Variants in NOS1 observed in about 807,000 individuals in gnomAD.
NOS1 encodes NOS type I.
Under a neutral mutation model 164.5 loss-of-function variants are expected in NOS1, and 51 were observed. The ratio of observed to expected loss-of-function variants is 0.31; its 90% confidence interval spans 0.25 to 0.39. The LOEUF (loss-of-function observed/expected upper bound fraction) is 0.39. Ranked by LOEUF, NOS1 falls within the 10% of genes least tolerant of loss-of-function variation. NOS1 has a pLI of 1.00. For synonymous variants in NOS1, 719 were observed against 745.8 expected, an observed-to-expected ratio of 0.96 and a Z score of 0.59; for missense variants, 1,362 against 1,885.6, an observed-to-expected ratio of 0.72 and a Z score of 5.14.
chr12:117,295,931 A>T (rs1192259792), intron 3 of NOS1, among the ~76,000 whole-genome samples: 2 of 151,714 alleles, frequency 1.3e-5, no homozygotes, highest in African/African-American at 4.8e-5. Flanking sequence ...GCCGGCTGTG[A>T]TCATTCTTTA....
At chr12:117,353,443 A>G (rs1876722906) in intron 1 of NOS1, among the ~76,000 whole-genome samples, 1 of 152,270 alleles carries the variant, frequency 6.6e-6, no homozygotes, top group Non-Finnish European at 1.5e-5. Flanking sequence ...TCTTCAGCGT[A>G]GAGACAGACT....
At chr12:117,294,841 C>G (rs922772203) in intron 3 of NOS1, among the ~76,000 whole-genome samples, 14 of 152,224 alleles carry the variant, frequency 9.2e-5, no homozygotes, top group Non-Finnish European at 1.8e-4. Context: ...CCCTGGGACA[C>G]CCGCCCCTAA....
chr12:117,247,956 A>AAG (rs1870765282), intron 17 of NOS1, among the ~76,000 whole-genome samples: 1 of 150,640 alleles, frequency 6.6e-6, no homozygotes, highest in African/African-American at 2.4e-5. Flanking sequence ...AAAAAAAAAA[A>AAG]AAAAGAAAAG....
At chr12:117,249,071 A>T (rs957879466) in intron 17 of NOS1, among the ~76,000 whole-genome samples, 1 of 152,060 alleles carries the variant, frequency 6.6e-6, no homozygotes, top group African/African-American at 2.4e-5. Context: ...AATTTGTTTG[A>T]GTTCATTGTA....
intron 3 of NOS1, among the ~76,000 whole-genome samples, chr12:117,299,742 G>C (rs1873689374): frequency 1.3e-5 from 2 of 152,062 alleles, no homozygotes; most frequent in East Asian, 3.9e-4. Context: ...ATTAAAAATG[G>C]GGGTGCTTGG....
chr12:117,233,678 C>G (rs540899254), intron 21 of NOS1, among the ~76,000 whole-genome samples: 2 of 151,670 alleles, frequency 1.3e-5, no homozygotes, highest in Non-Finnish European at 2.9e-5. Context: ...TGTGGTGGCA[C>G]GCGCCTGTAA....
chr12:117,226,994 G>A (rs1003651341), intron 23 of NOS1, among the ~76,000 whole-genome samples: 2 of 152,104 alleles, frequency 1.3e-5, no homozygotes, highest in Non-Finnish European at 1.5e-5. Context: ...GGTCGGATTC[G>A]AATCCTTCCC....
chr12:117,227,471 T>C lies in NOS1; in HGVS notation c.3576A>G (p.Glu1192=), dbSNP rs756787173. 5.3e-5 allele frequency: 85 copies of C among 1,613,614 alleles called. No individual in the cohort carries two copies. Among genetic ancestry groups the C allele is most frequent in the South Asian group, 1.3e-4 (12 of 90,934 alleles). ...ISSSPDMYPD[E]VHLTVAIVSY... The stretch of plus-strand genomic sequence containing the variant: ...AAACGATGGCCACAGTGAGGTGCAC[T>C]TCATCAGGGTACATGTCTGGGGAGG... The change falls in exon 23 of 29, where the codon GAA becomes GAG. Residue 1192 remains glutamate (E), a synonymous_variant. Coordinates refer to ENST00000317775, the MANE Select transcript of NOS1 (RefSeq NM_000620.5).
At chr12:117,218,313 C>T in intron 27 of NOS1, 149 bp from the exon 28 acceptor site, 1 of 696,172 alleles carries the variant, frequency 1.4e-6, no homozygotes, top group Non-Finnish European at 2.6e-6. Flanking sequence ...CCCGAGGTAC[C>T]TTTGATCTCG....
At chr12:117,327,332 G>A (rs1875303260) in intron 2 of NOS1, among the ~76,000 whole-genome samples, 1 of 152,202 alleles carries the variant, frequency 6.6e-6, no homozygotes, top group Non-Finnish European at 1.5e-5. Flanking sequence ...CCTTTCGGGA[G>A]GGACACTTCC....
chr12:117,323,146 G>T (rs1309947129), intron 2 of NOS1, among the ~76,000 whole-genome samples: 2 of 152,194 alleles, frequency 1.3e-5, no homozygotes, highest in African/African-American at 4.8e-5. Flanking sequence ...CACCAAGGTT[G>T]CAGTGAAGAA....
rs1222838851 is a variant in NOS1, at chr12:117,220,180, C to A, written c.4065G>T (p.Gly1355=). The change falls in exon 27 of 29, where the codon GGG becomes GGT. Residue 1355 remains glycine (G), a synonymous_variant. Coordinates refer to ENST00000317775, the MANE Select transcript of NOS1 (RefSeq NM_000620.5). ...KEQGGHIYVC[G]DVTMAADVLK... ...GGACATCAGCAGCCATGGTGACGTC[C>A]CCACAGACGTATATGTGGCCCCCTT... The A allele has an allele frequency of 3.1e-6, 5 of 1,613,996 alleles. No homozygotes were observed. Among genetic ancestry groups the A allele is most frequent in the Non-Finnish European group, 4.2e-6 (5 of 1,180,022 alleles).
At chr12:117,239,998 G>A (rs899206748) in intron 20 of NOS1, among the ~76,000 whole-genome samples, 1 of 152,014 alleles carries the variant, frequency 6.6e-6, no homozygotes, top group African/African-American at 2.4e-5. Flanking sequence ...GGGACTTTTG[G>A]TTCCACTTAG....
rs925395994 is a variant in NOS1 at position 117,214,618 on chromosome 12, C to T, written c.*691G>A. On this transcript the variant is annotated 3_prime_UTR_variant, in exon 29 of 29. Coordinates refer to ENST00000317775, the MANE Select transcript of NOS1 (RefSeq NM_000620.5). ...GACAGCCCCTTTAATCAATTTCCCA[C>T]TCCTCTCCCCATGCCCTGAACCCTT... 2.0e-6 allele frequency: 2 copies of T among 985,408 alleles called. No individual in the cohort carries two copies. Among genetic ancestry groups the T allele is most frequent in the African/African-American group, 3.5e-5 (2 of 57,356 alleles). 61.0% of individuals were successfully genotyped at this position (985,408 alleles called of 1,614,324 possible).
At chr12:117,262,837 G>A (rs1216674611) in intron 13 of NOS1, among the ~76,000 whole-genome samples, 1 of 152,060 alleles carries the variant, frequency 6.6e-6, no homozygotes, top group Non-Finnish European at 1.5e-5. Context: ...TTGTCAGCTG[G>A]TCCTCTGGCT....
At chr12:117,357,662 T>TA (rs1338824774) in intron 1 of NOS1, among the ~76,000 whole-genome samples, 1 of 152,148 alleles carries the variant, frequency 6.6e-6, no homozygotes, top group African/African-American at 2.4e-5. Context: ...TTGTTAAAAA[T>TA]AGAGATATTT....
At chr12:117,264,739 C>G (rs1007805250) in intron 12 of NOS1, among the ~76,000 whole-genome samples, 1 of 148,886 alleles carries the variant, frequency 6.7e-6, no homozygotes, top group Admixed American at 6.8e-5. Flanking sequence ...TTCTCTCTTT[C>G]TTTTTGTCCC....
At chr12:117,325,213 G>C (rs981181049) in intron 2 of NOS1, among the ~76,000 whole-genome samples, 2 of 152,166 alleles carry the variant, frequency 1.3e-5, no homozygotes, top group South Asian at 4.2e-4. Context: ...ATGCAGCCTG[G>C]ATGGAGAGGT....
intron 24 of NOS1, 108 bp from the exon 25 acceptor site, chr12:117,225,245 C>T: frequency 7.1e-7 from 1 of 1,409,792 alleles, no homozygotes; most frequent in Non-Finnish European, 9.6e-7. Flanking sequence ...TACAATGAGA[C>T]TTAAGGCTCT....
Sources: gnomAD v4.1 joint callset for allele counts (sites outside exome capture counted in the v4.1 genomes callset) on GRCh38, gnomAD v4.1.1 for gene constraint, MANE v1.5 for transcripts, NCBI Gene and HGNC (gene_info 2026-07-23, HGNC 2026-07-21) for gene names.